NUP155: variants seen among roughly 807,000 people sequenced by gnomAD.
NUP155 encodes the protein nuclear pore complex protein Nup155.
Under a neutral mutation model 180.4 loss-of-function variants are expected in NUP155, and 71 were observed. That is an observed-to-expected ratio of 0.39 (90% confidence interval 0.33 to 0.48). The LOEUF is 0.48. Ranked by LOEUF, NUP155 falls within the 20% of genes least tolerant of loss-of-function variation. The pLI, the probability that NUP155 is intolerant of heterozygous loss-of-function variation, is 0.91. For synonymous variants in NUP155, 582 were observed against 559.5 expected, an observed-to-expected ratio of 1.04 and a Z score of -0.57; for missense variants, 1,553 against 1,648.9, an observed-to-expected ratio of 0.94 and a Z score of 1.01.
chr5:37,367,227 T>C (rs1386511747), intron 1 of NUP155, among the ~76,000 whole-genome samples: 1 of 151,764 alleles, frequency 6.6e-6, no homozygotes. Context: ...TTTTTGTTTT[T>C]GGGGTTTTTT....
rs2150951823 is a variant in NUP155 at position 37,313,930 on chromosome 5, G to A, written c.2436+268C>T. Among the ~76,000 whole-genome samples the A allele has an allele frequency of 2.6e-5, 4 of 152,266 alleles. 1 individual carries two copies. The highest frequency in any genetic ancestry group is 2.6e-4 in the Admixed American group (4 of 15,276). On this transcript the variant is annotated intron_variant, in intron 22 of 34. Transcript: ENST00000231498. ...TATCAGATTCTCAGAAGAACCTGTA[G>A]CTCAAATAAAGGGTAAAGTCCACTG...
chr5:37,327,185 G>A (rs150040200), intron 18 of NUP155: 7 of 181,222 alleles, frequency 3.9e-5, no homozygotes, highest in African/African-American at 1.2e-4. Flanking sequence ...TGGTTTTTAC[G>A]AGACTCCCCC....
intron 5 of NUP155, among the ~76,000 whole-genome samples, chr5:37,352,143 G>A (rs1366974492): frequency 6.6e-6 from 1 of 152,044 alleles, no homozygotes; most frequent in East Asian, 1.9e-4. Flanking sequence ...GGATCACGAG[G>A]TCAGGAGTTC....
At chr5:37,325,239 G>A (rs535313745) in intron 19 of NUP155, among the ~76,000 whole-genome samples, 4 of 152,196 alleles carry the variant, frequency 2.6e-5, no homozygotes, top group African/African-American at 4.8e-5. Context: ...TGGAGTTTTC[G>A]TTCATATATA....
At chr5:37,304,671 A>G in intron 27 of NUP155, 68 bp downstream of exon 27, 1 of 1,103,606 alleles carries the variant, frequency 9.1e-7, no homozygotes, top group Non-Finnish European at 1.4e-6. Context: ...ACATCTATAT[A>G]TGTGCTTAAA....
At chr5:37,336,298 T>C (rs759055294) in intron 12 of NUP155, among the ~76,000 whole-genome samples, 15 of 152,018 alleles carry the variant, frequency 9.9e-5, no homozygotes, top group East Asian at 1.9e-4. Context: ...CTGGGCAATA[T>C]AGTCAGACCC....
In NUP155 at chr5:37,370,863, T is replaced by C. The variant is rs1747918671; in HGVS notation, c.115A>G (p.Met39Val). ...LIDRQLQEDR[M>V]YPDLSELLMV... is the part of the protein sequence containing the mutation. ...AGCAGCTCGGAAAGGTCCGGGTACA[T>C]GCGGTCCTCTTGCAACTGACGGTCG... Residue 39 changes from methionine to valine, a missense_variant, in exon 1 of 35, where the codon ATG becomes GTG. By Grantham distance (21) the Met-to-Val change is conservative. Transcript: ENST00000231498. 2 of 1,614,188 alleles carry C rather than the reference T, an allele frequency of 1.2e-6. No homozygotes were observed. Among genetic ancestry groups the C allele is most frequent in the Non-Finnish European group, 1.7e-6 (2 of 1,180,042 alleles).
In NUP155 at chr5:37,350,225, T is replaced by C. The variant is rs1213920039; in HGVS notation, c.764A>G (p.Asn255Ser). The change falls in exon 7 of 35, where the codon AAC becomes AGC. Residue 255 changes from asparagine (N) to serine (S), a missense_variant. Coordinates refer to ENST00000231498, the MANE Select transcript of NUP155 (RefSeq NM_153485.3). ...GWFSQRCRKI[N>S]HSKSSLSFLV... The stretch of plus-strand genomic sequence containing the variant: ...GAAAGAAAGTGAGCTCTTTGAGTGG[T>C]TTATTTTCCTACATCTTTGGCTAAA... 6.2e-7 allele frequency: 1 copy of C among 1,613,794 alleles called. No individual in the cohort carries two copies. Among genetic ancestry groups the C allele is most frequent in the East Asian group, 2.2e-5 (1 of 44,832 alleles).
chr5:37,314,129 C>CA, intron 22 of NUP155, 69 bp downstream of exon 22: 2 of 1,177,582 alleles, frequency 1.7e-6, no homozygotes, highest in South Asian at 2.7e-5. Flanking sequence ...CCTCCAAAGC[C>CA]AAAATACTCA....
At chr5:37,294,544 A>T in intron 32 of NUP155, 79 bp from the exon 33 acceptor site, 2 of 1,371,938 alleles carry the variant, frequency 1.5e-6, no homozygotes, top group Non-Finnish European at 2.1e-6. Flanking sequence ...ATAACTGAAT[A>T]GTTTCTAGGG....
chr5:37,355,151 A>T (rs1746731509), intron 4 of NUP155, among the ~76,000 whole-genome samples: 1 of 152,086 alleles, frequency 6.6e-6, no homozygotes, highest in South Asian at 2.1e-4. Context: ...AAATGGCCAT[A>T]ATCTTAAAAA....
intron 29 of NUP155, among the ~76,000 whole-genome samples, 159 bp from the exon 30 acceptor site, chr5:37,301,709 T>G (rs1167077897): frequency 6.6e-6 from 1 of 152,212 alleles, no homozygotes; most frequent in Non-Finnish European, 1.5e-5. Flanking sequence ...AGACATCAAC[T>G]AAACATAATA....
chr5:37,358,347 G>A (rs1158682211), intron 3 of NUP155, among the ~76,000 whole-genome samples, 196 bp from the exon 4 acceptor site: 3 of 152,028 alleles, frequency 2.0e-5, no homozygotes, highest in South Asian at 2.1e-4. Context: ...AGGCATGGGG[G>A]TGTGAGGCCA....
In NUP155 at chr5:37,363,264, C is replaced by G. The variant is rs550743739; in HGVS notation, c.392+624G>C. Among the ~76,000 whole-genome samples, 156 of 152,224 alleles carry G rather than the reference C, an allele frequency of 1.0e-3. 1 individual carries two copies. Among genetic ancestry groups the G allele is most frequent in the Admixed American group, 2.7e-3 (41 of 15,262 alleles). ...GTGTTCCTAAAAAGATCATTAATTA[C>G]TCAGGAACAAGAGTAACATCTTAAT... On this transcript the variant is annotated intron_variant, in intron 3 of 34. Coordinates refer to ENST00000231498, the MANE Select transcript of NUP155 (RefSeq NM_153485.3).
chr5:37,314,054 T>C, intron 22 of NUP155, 144 bp downstream of exon 22: 1 of 643,794 alleles, frequency 1.6e-6, no homozygotes, highest in East Asian at 2.8e-5. Flanking sequence ...TGGTACGCTT[T>C]TTTTGTGCCA....
intron 12 of NUP155, among the ~76,000 whole-genome samples, chr5:37,335,492 C>T (rs1745270382): frequency 6.6e-6 from 1 of 151,934 alleles, no homozygotes; most frequent in African/African-American, 2.4e-5. Context: ...AATACCTAGA[C>T]TCAACAATTG....
Position 37,352,734 on chromosome 5 carries a change from T to C in NUP155, c.556+3A>G. 1 of 1,603,178 alleles carries C rather than the reference T, an allele frequency of 6.2e-7. No homozygotes were observed. The highest frequency in any genetic ancestry group is 8.5e-7 in the Non-Finnish European group (1 of 1,170,238). ...AAAAACGTTAACATGTGGGTTGCCA[T>C]ACCTGTTTGCAAATTAGCATAGCTG... On this transcript the variant is annotated splice_donor_region_variant and intron_variant, in intron 5 of 34. Transcript: ENST00000231498.
chr5:37,301,520 T>C lies in NUP155; in HGVS notation c.3478A>G (p.Thr1160Ala). 1 of 1,613,306 alleles carries C rather than the reference T, an allele frequency of 6.2e-7. No homozygotes were observed. Among genetic ancestry groups the C allele is most frequent in the Non-Finnish European group, 8.5e-7 (1 of 1,179,282 alleles). ...VARIQLQIQE[T>A]LQRQYSHHSS... ...TGATGGGAATACTGCCTTTGTAGTG[T>C]CTCCTGTATCTGAAGTTGGATCCTA... Residue 1160 changes from threonine (T) to alanine (A), a missense_variant, in exon 30 of 35, where the codon ACA becomes GCA. Coordinates refer to ENST00000231498, the MANE Select transcript of NUP155 (RefSeq NM_153485.3).
chr5:37,338,317 CAA>C (rs530524699), intron 11 of NUP155, among the ~76,000 whole-genome samples: 43 of 65,042 alleles, frequency 6.6e-4, no homozygotes, highest in African/African-American at 1.4e-3. Flanking sequence ...GATTCCGTCT[CAA>C]AAAAAAAAAA....
Sources: allele counts gnomAD v4.1 joint callset (sites outside exome capture counted in the v4.1 genomes callset), GRCh38; gene constraint gnomAD v4.1.1; transcripts MANE v1.5; gene names NCBI Gene and HGNC (gene_info 2026-07-23, HGNC 2026-07-21).